DLG1: variants seen among roughly 807,000 people sequenced by gnomAD.
DLG1 encodes the protein discs large MAGUK scaffold protein 1, also known as disks large homolog 1.
In DLG1, 42 loss-of-function variants were observed where a neutral mutation model predicts 123.4. The observed-to-expected ratio is 0.34, with a 90% CI of 0.27 to 0.44. The LOEUF (loss-of-function observed/expected upper bound fraction) is 0.44, where lower values mean the gene tolerates loss of function less well. Ranked by LOEUF, DLG1 falls within the 20% of genes least tolerant of loss-of-function variation. DLG1 has a pLI of 1.00. For missense variants in DLG1, 942 were observed against 1,082.6 expected (o/e 0.87, Z 1.82); for synonymous variants, 317 against 356.2 (o/e 0.89, Z 1.24).
chr3:197,279,417 T>A (rs1032870140), intron 4 of DLG1, among the ~76,000 whole-genome samples: 18 of 152,200 alleles, frequency 1.2e-4, no homozygotes, highest in Non-Finnish European at 2.1e-4. Flanking sequence ...TGCTACTTTT[T>A]AAACATCTAG....
intron 8 of DLG1, among the ~76,000 whole-genome samples, chr3:197,138,634 TG>T (rs1280233746): frequency 6.6e-6 from 1 of 152,000 alleles, no homozygotes; most frequent in East Asian, 1.9e-4. Context: ...TATATAAAAA[TG>T]TTAAATAATA....
intron 4 of DLG1, among the ~76,000 whole-genome samples, chr3:197,264,718 T>A (rs1354562542): frequency 6.6e-6 from 1 of 152,152 alleles, no homozygotes; most frequent in African/African-American, 2.4e-5. Flanking sequence ...TGAGCCACTG[T>A]GCCTAGCCAC....
At chr3:197,149,718 A>G in intron 6 of DLG1, 25 bp downstream of exon 6, 2 of 1,489,622 alleles carry the variant, frequency 1.3e-6, no homozygotes, top group Non-Finnish European at 1.9e-6. Context: ...GAATTACTTC[A>G]ATGTGGGGAG....
chr3:197,289,654 T>C (rs9872104), intron 3 of DLG1, among the ~76,000 whole-genome samples: 25,999 of 152,086 alleles, frequency 0.17, 2,576 homozygotes, highest in African/African-American at 0.27. Flanking sequence ...TAATCAAAAT[T>C]AACATCATCA....
upstream of DLG1, chr3:197,299,044 C>T (rs1035120305): frequency 1.3e-5 from 2 of 152,634 alleles, no homozygotes; most frequent in South Asian, 2.1e-4. Flanking sequence ...TAAGAACTCA[C>T]CCGGAGTCGC....
chr3:197,182,709 G>C (rs1442937051), intron 5 of DLG1, among the ~76,000 whole-genome samples: 1 of 102,986 alleles, frequency 9.7e-6, no homozygotes, highest in African/African-American at 3.7e-5. Context: ...CTTGTTTTTA[G>C]ACCATTTCTC....
At chr3:197,265,720 A>G (rs1761402185) in intron 4 of DLG1, among the ~76,000 whole-genome samples, 3 of 152,212 alleles carry the variant, frequency 2.0e-5, no homozygotes. Flanking sequence ...CAGTGGGGAT[A>G]GCCTTCTACA....
intron 4 of DLG1, among the ~76,000 whole-genome samples, chr3:197,257,549 G>C (rs1757407459): frequency 6.6e-6 from 1 of 152,176 alleles, no homozygotes. Context: ...TGACAAAGCA[G>C]AAACAGGTAT....
At chr3:197,273,317 G>A (rs1462805040) in intron 4 of DLG1, among the ~76,000 whole-genome samples, 1 of 150,694 alleles carries the variant, frequency 6.6e-6, no homozygotes, top group Non-Finnish European at 1.5e-5. Context: ...ATGTGATCTC[G>A]GCTCACTGCA....
intron 3 of DLG1, among the ~76,000 whole-genome samples, chr3:197,286,295 C>T (rs893778462): frequency 6.6e-6 from 1 of 152,154 alleles, no homozygotes; most frequent in Non-Finnish European, 1.5e-5. Context: ...CGGTCTCCAA[C>T]CTTTTTGGCA....
intron 4 of DLG1, among the ~76,000 whole-genome samples, chr3:197,253,334 T>C (rs1037983662): frequency 6.6e-6 from 1 of 152,128 alleles, no homozygotes; most frequent in Non-Finnish European, 1.5e-5. Context: ...TCCAAAATCA[T>C]TTGCCATCAG....
chr3:197,269,844 G>A lies in DLG1; in HGVS notation c.318+12835C>T, dbSNP rs367781241. On this transcript the variant is annotated intron_variant, in intron 4 of 24. Transcript: ENST00000667157. ...AAAAATAAGGTTATTATTTTAATCC[G>A]TTCCTGTGGAACACGTGAGTTTAAG... is the stretch of plus-strand genomic sequence containing the variant. Among the ~76,000 whole-genome samples, 58 of 152,200 alleles carry A rather than the reference G, an allele frequency of 3.8e-4. No individual in the cohort carries two copies. In the South Asian group the frequency reaches 0.011, roughly 28 times the overall value.
chr3:197,124,399 C>T (rs540119228), intron 11 of DLG1, among the ~76,000 whole-genome samples: 74 of 152,188 alleles, frequency 4.9e-4, no homozygotes, highest in African/African-American at 1.6e-3. Context: ...CTTAGCCTCC[C>T]GAGTAGTGGG....
chr3:197,081,228 T>C (rs1750952225), intron 16 of DLG1, 111 bp from the exon 17 acceptor site: 1 of 927,870 alleles, frequency 1.1e-6, no homozygotes, highest in African/African-American at 1.7e-5. Context: ...CTCTAAAACC[T>C]TTAAGAGTCA....
chr3:197,051,030 AATTAT>A lies in DLG1; in HGVS notation c.2575+542_2575+546del, dbSNP rs772326384. Among the ~76,000 whole-genome samples the A allele has an allele frequency of 6.4e-3, 971 of 152,278 alleles. 10 individuals carry two copies. Among genetic ancestry groups the A allele is most frequent in the Non-Finnish European group, 6.7e-3 (455 of 68,022 alleles). ...ATCTATTTTTCTCTGGTCAAGTATG[AATTAT>A]TCCTGTTTTTGTTGTTCTAATCAAT... On this transcript the variant is annotated intron_variant, in intron 24 of 24. Transcript: ENST00000667157.
At chr3:197,108,847 T>C (rs1010002803) in intron 13 of DLG1, among the ~76,000 whole-genome samples, 9 of 152,222 alleles carry the variant, frequency 5.9e-5, no homozygotes, top group Non-Finnish European at 1.0e-4. Context: ...ACTGGAGTGC[T>C]TAATCTGTTT....
intron 5 of DLG1, 177 bp downstream of exon 5, chr3:197,194,248 A>T (rs1345335634): frequency 5.4e-6 from 2 of 370,308 alleles, no homozygotes; most frequent in Non-Finnish European, 9.5e-6. Context: ...ATACATATTT[A>T]AAAATGTTTT....
intron 11 of DLG1, 43 bp from the exon 12 acceptor site, chr3:197,119,573 A>C (rs975516403): frequency 2.3e-5 from 35 of 1,553,150 alleles, no homozygotes; most frequent in Non-Finnish European, 2.8e-5. Flanking sequence ...ACACGAAACA[A>C]GCCAATCAGT....
chr3:197,192,714 ATGTATG>A (rs1345173124), intron 5 of DLG1, among the ~76,000 whole-genome samples: 1 of 152,088 alleles, frequency 6.6e-6, no homozygotes, highest in African/African-American at 2.4e-5. Context: ...ACATGTCTTT[ATGTATG>A]TGTATGTGTG....
Sources: allele counts gnomAD v4.1 joint callset (sites outside exome capture counted in the v4.1 genomes callset), GRCh38; gene constraint gnomAD v4.1.1; transcripts MANE v1.5; gene names NCBI Gene and HGNC (gene_info 2026-07-23, HGNC 2026-07-21).